GIGYF2: variants seen among roughly 807,000 people sequenced by gnomAD.
GIGYF2 encodes GRB10-interacting GYF protein 2.
A neutral mutation model predicts 208.1 loss-of-function variants in GIGYF2; 25 were observed. The ratio of observed to expected loss-of-function variants is 0.12; its 90% CI spans 0.09 to 0.17. GIGYF2 has a LOEUF of 0.17. GIGYF2 is among the 10% of genes least tolerant of loss of function. GIGYF2 has a pLI of 1.00. For synonymous variants in GIGYF2, 534 were observed against 543.8 expected (o/e 0.98, Z 0.25); for missense variants, 1,302 against 1,579.4 (o/e 0.82, Z 2.98).
chr2:232,744,588 G>A (rs1373665414), intron 3 of GIGYF2, among the ~76,000 whole-genome samples: 2 of 149,326 alleles, frequency 1.3e-5, no homozygotes, highest in Non-Finnish European at 3.0e-5. Context: ...CACCTAGGCT[G>A]GAGTGCAGTG....
chr2:232,776,324 A>G, intron 8 of GIGYF2: 1 of 707,608 alleles, frequency 1.4e-6, no homozygotes, highest in Middle Eastern at 2.4e-4. Flanking sequence ...CCTACACTAT[A>G]GATAATGTCT....
intron 21 of GIGYF2, among the ~76,000 whole-genome samples, chr2:232,832,318 A>G (rs1701444349): frequency 1.3e-5 from 2 of 152,222 alleles, no homozygotes; most frequent in Non-Finnish European, 2.9e-5. Flanking sequence ...CAGAAGGAAA[A>G]TGAGCCCAGG....
At position 232,839,227 on chromosome 2, in the gene GIGYF2, G is replaced by T. The variant is rs534009432; in HGVS notation, c.2767-622G>T. ...GGCTTTGAGAATATTGAAATATTCA[G>T]GACCTAGATATTTATACTCTATTTT... On this transcript the variant is annotated intron_variant, in intron 22 of 28. Coordinates refer to ENST00000373563, the MANE Select transcript of GIGYF2 (RefSeq NM_001103146.3). Among the ~76,000 whole-genome samples, 4 of 152,256 alleles carry T rather than the reference G, an allele frequency of 2.6e-5. No individual in the cohort carries two copies. The South Asian group carries it at 8.3e-4, about 32-fold the overall frequency.
At chr2:232,795,359 G>A (rs1700192771) in intron 13 of GIGYF2, among the ~76,000 whole-genome samples, 1 of 152,142 alleles carries the variant, frequency 6.6e-6, no homozygotes, top group Non-Finnish European at 1.5e-5. Context: ...AAGATTGTGT[G>A]TACCATTGTT....
At chr2:232,747,058 TGTG>T (rs1189060122) in intron 3 of GIGYF2, among the ~76,000 whole-genome samples, 3 of 152,232 alleles carry the variant, frequency 2.0e-5, no homozygotes, top group Admixed American at 2.0e-4. Flanking sequence ...TACTATAGGC[TGTG>T]TTTTGATTTT....
intron 19 of GIGYF2, chr2:232,816,015 A>T (rs993353058): frequency 2.4e-6 from 1 of 408,238 alleles, no homozygotes; most frequent in Non-Finnish European, 4.6e-6. Flanking sequence ...CATGGTATGA[A>T]CATTTGTTAT....
rs1690265993 is a variant in GIGYF2, at chr2:232,850,326, A to G, written c.3749A>G (p.Asn1250Ser). 1 of 1,613,726 alleles carries G rather than the reference A, an allele frequency of 6.2e-7. No individual in the cohort carries two copies. Among genetic ancestry groups the G allele is most frequent in the South Asian group, 1.1e-5 (1 of 91,082 alleles). ...HSVFQTNQSNNQQSNFEAVQS... is the reference protein window; with the variant it reads ...HSVFQTNQSNSQQSNFEAVQS... ...GTATTTCAGACCAATCAAAGCAACA[A>G]CCAACAATCCAATTTTGAGGCTGTG... Residue 1250 changes from asparagine to serine, a missense_variant, in exon 28 of 29, where the codon AAC (asparagine) becomes AGC (serine). Coordinates refer to ENST00000373563, the MANE Select transcript of GIGYF2 (RefSeq NM_001103146.3).
chr2:232,761,945 C>A (rs1559410661), intron 8 of GIGYF2, among the ~76,000 whole-genome samples: 2 of 146,776 alleles, frequency 1.4e-5, no homozygotes, highest in South Asian at 2.1e-4. Context: ...AATAAAGGAA[C>A]AGGATTCCAT....
At chr2:232,783,198 C>T (rs558243305) in intron 8 of GIGYF2, among the ~76,000 whole-genome samples, 54 of 152,136 alleles carry the variant, frequency 3.5e-4, no homozygotes, top group Non-Finnish European at 6.5e-4. Flanking sequence ...ACCTGTAGCT[C>T]ATAAAGTTTG....
At chr2:232,718,748 G>A (rs1696810214) in intron 2 of GIGYF2, among the ~76,000 whole-genome samples, 1 of 152,198 alleles carries the variant, frequency 6.6e-6, no homozygotes, top group Admixed American at 6.5e-5. Flanking sequence ...GCTGGCTGCT[G>A]TGGTGGGGAC....
intron 3 of GIGYF2, among the ~76,000 whole-genome samples, chr2:232,742,229 G>A (rs1413478097): frequency 6.6e-6 from 1 of 152,084 alleles, no homozygotes; most frequent in Non-Finnish European, 1.5e-5. Context: ...GGTTTTATTG[G>A]TCATTGTGTG....
Position 232,838,246 on chromosome 2 carries a change from G to A in GIGYF2, c.2767-1603G>A, listed in dbSNP as rs548247435. On this transcript the variant is annotated intron_variant, in intron 22 of 28. Coordinates refer to ENST00000373563, the MANE Select transcript of GIGYF2 (RefSeq NM_001103146.3). ...GTATATATACCTAGAGAAAGAGCGT[G>A]TGTATGTATATGTATATGTGTGTAT... Among the ~76,000 whole-genome samples, 13 of 152,172 alleles carry A rather than the reference G, an allele frequency of 8.5e-5. No individual in the cohort carries two copies. The South Asian group carries it at 2.7e-3, about 32-fold the overall frequency.
rs780213699 is a variant in GIGYF2, at chr2:232,858,353, T to C, written c.*1493T>C. 11 of 400,762 alleles carry C rather than the reference T, an allele frequency of 2.7e-5. No individual in the cohort carries two copies. Among genetic ancestry groups the C allele is most frequent in the Non-Finnish European group, 3.9e-5 (8 of 205,912 alleles). 24.8% of individuals were successfully genotyped at this position (400,762 alleles called of 1,614,324 possible). A position where few individuals can be genotyped will look rare whatever the true frequency, so the allele number is the denominator to read the frequency against. On this transcript the variant is annotated 3_prime_UTR_variant, in exon 29 of 29. Transcript: ENST00000373563. Reference sequence around the variant, plus strand: ...TTTTTATTATTTTGGATCACCATTCTCCCTATCCCTTCTTGCCTCCCTCCC... The same window carrying C: ...TTTTTATTATTTTGGATCACCATTCCCCCTATCCCTTCTTGCCTCCCTCCC...
At chr2:232,818,544 A>G (rs1322559327) in intron 20 of GIGYF2, among the ~76,000 whole-genome samples, 1 of 151,956 alleles carries the variant, frequency 6.6e-6, no homozygotes, top group Non-Finnish European at 1.5e-5. Flanking sequence ...CGTTTCCCCC[A>G]TTGTGTGTTT....
chr2:232,838,966 T>C (rs1220554629), intron 22 of GIGYF2, among the ~76,000 whole-genome samples: 1 of 152,220 alleles, frequency 6.6e-6, no homozygotes, highest in African/African-American at 2.4e-5. Context: ...TTAAACTGTT[T>C]ATACCTTTTA....
At chr2:232,780,397 T>C (rs1559426358) in intron 8 of GIGYF2, among the ~76,000 whole-genome samples, 1 of 152,256 alleles carries the variant, frequency 6.6e-6, no homozygotes, top group South Asian at 2.1e-4. Flanking sequence ...CATAATTTGC[T>C]TTTAACGTAA....
At chr2:232,808,894 G>A (rs542480150) in intron 15 of GIGYF2, among the ~76,000 whole-genome samples, 22 of 152,194 alleles carry the variant, frequency 1.4e-4, no homozygotes, top group African/African-American at 4.8e-4. Context: ...TTTTGGGGGA[G>A]AGAGTTATAG....
intron 2 of GIGYF2, among the ~76,000 whole-genome samples, chr2:232,712,909 G>A (rs1002333662): frequency 6.6e-6 from 1 of 152,110 alleles, no homozygotes; most frequent in African/African-American, 2.4e-5. Flanking sequence ...GTAGATAAGA[G>A]TTTGTTTATA....
chr2:232,748,503 T>C (rs1466937382), intron 4 of GIGYF2, among the ~76,000 whole-genome samples: 4 of 152,230 alleles, frequency 2.6e-5, no homozygotes, highest in Non-Finnish European at 5.9e-5. Context: ...CAGGCTGGTC[T>C]CCAACTTCTG....
Sources: gnomAD v4.1 joint callset for allele counts (sites outside exome capture counted in the v4.1 genomes callset) on GRCh38, gnomAD v4.1.1 for gene constraint, MANE v1.5 for transcripts, NCBI Gene and HGNC (gene_info 2026-07-23, HGNC 2026-07-21) for gene names.